The following RPS6KC1 variants were observed in gnomAD, a reference collection of about 807,000 sequenced individuals.
RPS6KC1 encodes the protein ribosomal protein S6 kinase C1, also known as inactive ribosomal protein S6 kinase delta-1.
Under a neutral mutation model 103.8 loss-of-function variants are expected in RPS6KC1, and 54 were observed. That is an observed-to-expected ratio of 0.52 (90% CI 0.42 to 0.65). RPS6KC1 has a LOEUF of 0.65. Among genes scored for constraint, RPS6KC1 ranks in the 30% least tolerant of loss-of-function variants. RPS6KC1 has a pLI of 0.00. For missense variants in RPS6KC1, 1,151 were observed against 1,253.8 expected (o/e 0.92, Z 1.24); for synonymous variants, 439 against 438.7 (o/e 1.00, Z -0.01).
the RPS6KC1 span, among the ~76,000 whole-genome samples, chr1:213,772,222 G>C: frequency 1.3e-5 from 2 of 152,134 alleles, no homozygotes; most frequent in East Asian, 3.9e-4. Context: ...TATGCAGCGT[G>C]GGTAAGGAGG....
At chr1:213,062,353 A>T (rs891646984) in intron 1 of RPS6KC1, among the ~76,000 whole-genome samples, 2 of 152,180 alleles carry the variant, frequency 1.3e-5, no homozygotes, top group Admixed American at 1.3e-4. Flanking sequence ...TCCCCAATAT[A>T]TTTCATGTAT....
chr1:213,775,242 C>T, the RPS6KC1 span, among the ~76,000 whole-genome samples: 1 of 152,116 alleles, frequency 6.6e-6, no homozygotes, highest in Non-Finnish European at 1.5e-5. Flanking sequence ...TAAATGTACA[C>T]TTATACATAA....
the RPS6KC1 span, among the ~76,000 whole-genome samples, chr1:213,725,705 A>T: frequency 6.6e-6 from 1 of 152,246 alleles, no homozygotes; most frequent in Non-Finnish European, 1.5e-5. Flanking sequence ...ACCAGAAAAA[A>T]TCGAACCCTG....
chr1:213,393,406 TC>T, the RPS6KC1 span, among the ~76,000 whole-genome samples: 1 of 152,210 alleles, frequency 6.6e-6, no homozygotes, highest in Admixed American at 6.5e-5. Context: ...GTGTCTTTTC[TC>T]CCTTCACTCC....
At chr1:213,793,681 C>T in the RPS6KC1 span, among the ~76,000 whole-genome samples, 1 of 152,184 alleles carries the variant, frequency 6.6e-6, no homozygotes, top group Non-Finnish European at 1.5e-5. Context: ...CATCAAAATG[C>T]AGGTTGGAGT....
At chr1:213,633,728 G>C in the RPS6KC1 span, among the ~76,000 whole-genome samples, 1 of 151,140 alleles carries the variant, frequency 6.6e-6, no homozygotes, top group Non-Finnish European at 1.5e-5. Flanking sequence ...GGGCTAAATG[G>C]CCCAATTAAA....
intron 14 of RPS6KC1, among the ~76,000 whole-genome samples, chr1:213,267,570 C>T (rs2094941295): frequency 6.6e-6 from 1 of 151,934 alleles, no homozygotes; most frequent in Non-Finnish European, 1.5e-5. Flanking sequence ...GAAATTGTCT[C>T]TGAGTGTACC....
At chr1:213,664,061 C>A in the RPS6KC1 span, among the ~76,000 whole-genome samples, 1 of 152,124 alleles carries the variant, frequency 6.6e-6, no homozygotes, top group African/African-American at 2.4e-5. Flanking sequence ...GCAGATGCCG[C>A]AGGTCACAGC....
chr1:213,495,221 T>C, the RPS6KC1 span, among the ~76,000 whole-genome samples: 1 of 152,236 alleles, frequency 6.6e-6, no homozygotes. Flanking sequence ...GAACACATAA[T>C]GTATTTATTG....
At chr1:213,706,329 A>G in the RPS6KC1 span, among the ~76,000 whole-genome samples, 1 of 152,202 alleles carries the variant, frequency 6.6e-6, no homozygotes, top group African/African-American at 2.4e-5. Flanking sequence ...GGCAGGCATC[A>G]GCTAGGTTTG....
chr1:213,066,403 A>C lies in RPS6KC1; in HGVS notation c.106-4603A>C, dbSNP rs78380671. ...TGATTTGATTTTCCAAACCCTGTCT[A>C]AATTTCCTCCTTCACTGTGAAGTAT... On this transcript the variant is annotated intron_variant, in intron 1 of 14. Transcript: ENST00000366960. 3.1e-3 allele frequency among the ~76,000 whole-genome samples: 472 copies of C among 152,346 alleles called. 2 individuals carry two copies. The highest frequency in any genetic ancestry group is 1.0e-2 in the African/African-American group (414 of 41,576).
chr1:213,736,893 G>A, the RPS6KC1 span, among the ~76,000 whole-genome samples: 1 of 152,180 alleles, frequency 6.6e-6, no homozygotes, highest in Admixed American at 6.5e-5. Context: ...AGGGGTGAAA[G>A]AGAAACCTAA....
the RPS6KC1 span, among the ~76,000 whole-genome samples, chr1:213,422,452 T>C: frequency 6.6e-6 from 1 of 152,258 alleles, no homozygotes; most frequent in African/African-American, 2.4e-5. Flanking sequence ...AATGCTGCTA[T>C]GAACATTGGT....
chr1:213,491,414 A>C, the RPS6KC1 span, among the ~76,000 whole-genome samples: 1 of 152,246 alleles, frequency 6.6e-6, no homozygotes, highest in East Asian at 1.9e-4. Context: ...CGGGCGTAGT[A>C]GTGTATACCT....
At chr1:213,782,991 C>A in the RPS6KC1 span, among the ~76,000 whole-genome samples, 1 of 152,154 alleles carries the variant, frequency 6.6e-6, no homozygotes, top group Non-Finnish European at 1.5e-5. Flanking sequence ...CTCACCATTT[C>A]GGAAGCGCTG....
the RPS6KC1 span, among the ~76,000 whole-genome samples, chr1:213,631,289 T>A: frequency 1.3e-5 from 2 of 151,516 alleles, no homozygotes; most frequent in Admixed American, 6.6e-5. Context: ...AAATCACCCA[T>A]CTTCTGTGTC....
the RPS6KC1 span, among the ~76,000 whole-genome samples, chr1:213,411,377 C>T: frequency 6.6e-6 from 1 of 152,186 alleles, no homozygotes; most frequent in Non-Finnish European, 1.5e-5. Context: ...TGTCCCTCAT[C>T]TCTTGTGATA....
the RPS6KC1 span, among the ~76,000 whole-genome samples, chr1:213,815,851 T>C: frequency 6.6e-6 from 1 of 152,254 alleles, no homozygotes; most frequent in African/African-American, 2.4e-5. Flanking sequence ...TTTTAGCCCA[T>C]CTCAGCTTTC....
At chr1:213,404,747 G>C in the RPS6KC1 span, among the ~76,000 whole-genome samples, 7 of 152,232 alleles carry the variant, frequency 4.6e-5, no homozygotes, top group Non-Finnish European at 8.8e-5. Flanking sequence ...CCTGTGAACT[G>C]ACTGTTGCCA....
Sources: gnomAD v4.1 joint callset for allele counts (sites outside exome capture counted in the v4.1 genomes callset) on GRCh38, gnomAD v4.1.1 for gene constraint, MANE v1.5 for transcripts, NCBI Gene and HGNC (gene_info 2026-07-23, HGNC 2026-07-21) for gene names.